Variants in NEGR1 observed in about 807,000 individuals in gnomAD.
NEGR1 encodes the protein IgLON family member 4.
A neutral mutation model predicts 40.9 loss-of-function variants in NEGR1; 10 were observed. The ratio of observed to expected loss-of-function variants is 0.24; its 90% CI spans 0.15 to 0.42. The LOEUF (loss-of-function observed/expected upper bound fraction) is 0.42. NEGR1 is among the 10% of genes least tolerant of loss of function. NEGR1 has a pLI of 1.00. For missense variants in NEGR1, 352 were observed against 438.9 expected (o/e 0.80, Z 1.77); for synonymous variants, 185 against 166.8 (o/e 1.11, Z -0.84).
intron 1 of NEGR1, among the ~76,000 whole-genome samples, chr1:72,146,191 C>A (rs1210266032): frequency 6.6e-6 from 1 of 152,024 alleles, no homozygotes; most frequent in South Asian, 2.1e-4. Context: ...TCTGAAATGC[C>A]CCAAATGCAC....
chr1:71,492,785 C>T (rs546478465), intron 6 of NEGR1, among the ~76,000 whole-genome samples: 9 of 152,120 alleles, frequency 5.9e-5, no homozygotes, highest in South Asian at 2.1e-4. Flanking sequence ...AACAATTCAA[C>T]GACAGACATA....
At chr1:72,195,463 C>A (rs1016567730) in intron 1 of NEGR1, among the ~76,000 whole-genome samples, 1 of 151,754 alleles carries the variant, frequency 6.6e-6, no homozygotes, top group Non-Finnish European at 1.5e-5. Context: ...TGTAATAATT[C>A]AGATTTTTTT....
At chr1:72,147,475 G>A (rs1410345345) in intron 1 of NEGR1, among the ~76,000 whole-genome samples, 1 of 152,072 alleles carries the variant, frequency 6.6e-6, no homozygotes, top group African/African-American at 2.4e-5. Context: ...GGACACATGG[G>A]AATTCTGGGA....
At chr1:71,661,623 C>T (rs754930064) in intron 4 of NEGR1, among the ~76,000 whole-genome samples, 3 of 152,038 alleles carry the variant, frequency 2.0e-5, no homozygotes, top group African/African-American at 4.8e-5. Flanking sequence ...TTATGACCCC[C>T]GTTACAAATA....
At chr1:71,962,227 C>T (rs1013703296) in intron 1 of NEGR1, among the ~76,000 whole-genome samples, 4 of 151,934 alleles carry the variant, frequency 2.6e-5, no homozygotes, top group Admixed American at 6.6e-5. Flanking sequence ...CCAAAACAAT[C>T]GCAGGCATCA....
At chr1:72,219,289 G>A (rs978800773) in intron 1 of NEGR1, among the ~76,000 whole-genome samples, 1 of 151,972 alleles carries the variant, frequency 6.6e-6, no homozygotes, top group Non-Finnish European at 1.5e-5. Flanking sequence ...ATAATAAACA[G>A]TGATGGTAAA....
intron 2 of NEGR1, among the ~76,000 whole-genome samples, chr1:71,929,206 C>T (rs1034455051): frequency 6.6e-6 from 1 of 151,990 alleles, no homozygotes; most frequent in Admixed American, 6.6e-5. Context: ...ACACCTACTC[C>T]TAGTTTTTAC....
Position 72,282,365 on chromosome 1 carries a change from C to A in NEGR1, c.130G>T (p.Ala44Ser). ...AGQSVDFPWAAVDNMMVRKGD... is the reference protein window; with the variant it reads ...AGQSVDFPWASVDNMMVRKGD... ...TTTCTGACCATCATGTTGTCCACGG[C>A]CGCCCAGGGGAAGTCCACACTCTGT... Residue 44 changes from alanine to serine, a missense_variant, in exon 1 of 7, where the codon GCC becomes TCC. Coordinates refer to ENST00000357731, the MANE Select transcript of NEGR1 (RefSeq NM_173808.3). The A allele has an allele frequency of 6.2e-7, 1 of 1,614,108 alleles. No individual in the cohort carries two copies. Among genetic ancestry groups the A allele is most frequent in the Non-Finnish European group, 8.5e-7 (1 of 1,180,022 alleles).
chr1:71,835,708 A>T (rs766961508), intron 2 of NEGR1, among the ~76,000 whole-genome samples: 8 of 152,112 alleles, frequency 5.3e-5, no homozygotes, highest in Non-Finnish European at 1.2e-4. Context: ...CAACCAAGGA[A>T]GGTATAGTAG....
At chr1:72,222,442 T>C (rs1357945924) in intron 1 of NEGR1, among the ~76,000 whole-genome samples, 1 of 152,152 alleles carries the variant, frequency 6.6e-6, no homozygotes, top group African/African-American at 2.4e-5. Flanking sequence ...CACCAACAGC[T>C]AGTCACAAAG....
chr1:72,263,225 A>G (rs948966669), intron 1 of NEGR1, among the ~76,000 whole-genome samples: 3 of 151,652 alleles, frequency 2.0e-5, no homozygotes, highest in Non-Finnish European at 3.0e-5. Flanking sequence ...TGTAGAAACA[A>G]AAGTCTTTCT....
chr1:71,435,478 G>A (rs1215880291), intron 6 of NEGR1, among the ~76,000 whole-genome samples: 1 of 151,898 alleles, frequency 6.6e-6, no homozygotes, highest in Non-Finnish European at 1.5e-5. Context: ...TCACTAAGGA[G>A]AAAGGATATC....
intron 2 of NEGR1, among the ~76,000 whole-genome samples, chr1:71,871,966 A>C (rs1660291679): frequency 6.6e-6 from 1 of 152,180 alleles, no homozygotes; most frequent in Non-Finnish European, 1.5e-5. Flanking sequence ...TATTGTTTGC[A>C]TAGAATCAAA....
chr1:72,043,847 T>C (rs1646977307), intron 1 of NEGR1, among the ~76,000 whole-genome samples: 1 of 151,842 alleles, frequency 6.6e-6, no homozygotes, highest in African/African-American at 2.4e-5. Context: ...GCAAGGACAA[T>C]ACAATACTCC....
intron 3 of NEGR1, among the ~76,000 whole-genome samples, chr1:71,753,053 C>T (rs937258368): frequency 6.6e-6 from 1 of 151,980 alleles, no homozygotes; most frequent in Admixed American, 6.6e-5. Context: ...GTGTGAATTA[C>T]GACTCAGATA....
chr1:72,179,122 T>C (rs1652274897), intron 1 of NEGR1, among the ~76,000 whole-genome samples: 1 of 152,052 alleles, frequency 6.6e-6, no homozygotes, highest in Admixed American at 6.6e-5. Flanking sequence ...TCTTCTAAGG[T>C]ATTTATAGTG....
At chr1:71,628,763 A>G (rs557859406) in intron 4 of NEGR1, among the ~76,000 whole-genome samples, 1 of 152,124 alleles carries the variant, frequency 6.6e-6, no homozygotes, top group Admixed American at 6.6e-5. Context: ...TTTATGGCTG[A>G]GTAGTATTCT....
At position 71,396,013 on chromosome 1, in the gene NEGR1, C is replaced by T. The variant is rs577335557; in HGVS notation, c.*11433G>A. The T allele has an allele frequency of 1.3e-5, 2 of 152,102 alleles. No homozygotes were observed. Among genetic ancestry groups the T allele is most frequent in the African/African-American group, 4.8e-5 (2 of 41,488 alleles). 9.4% of individuals were successfully genotyped at this position (152,102 alleles called of 1,614,324 possible). ...TAATTGTAAATGTGGAAACTGAAGC[C>T]CCATTCCAGAGAAGACATTGCTTTT... is the stretch of plus-strand genomic sequence containing the variant. On this transcript the variant is annotated 3_prime_UTR_variant, in exon 7 of 7. Transcript: ENST00000357731.
At chr1:71,954,388 G>T (rs1002845379) in intron 1 of NEGR1, among the ~76,000 whole-genome samples, 1 of 151,680 alleles carries the variant, frequency 6.6e-6, no homozygotes, top group African/African-American at 2.4e-5. Flanking sequence ...AGTACATAAG[G>T]TATATTATTA....
Sources: gnomAD v4.1 joint callset for allele counts (sites outside exome capture counted in the v4.1 genomes callset) on GRCh38, gnomAD v4.1.1 for gene constraint, MANE v1.5 for transcripts, NCBI Gene and HGNC (gene_info 2026-07-23, HGNC 2026-07-21) for gene names.